Variants in ZC3H12B observed in about 807,000 individuals in gnomAD.
The protein encoded by ZC3H12B is probable ribonuclease ZC3H12B.
In ZC3H12B, 7 loss-of-function variants were observed where a neutral mutation model predicts 43.9. The ratio of observed to expected loss-of-function variants is 0.16; its 90% CI spans 0.09 to 0.30. The LOEUF is 0.30. Among genes scored for constraint, ZC3H12B ranks in the 10% least tolerant of loss-of-function variants. The pLI, the probability that ZC3H12B is intolerant of heterozygous loss-of-function variation, is 1.00. For synonymous variants in ZC3H12B, 222 were observed against 241.7 expected, an observed-to-expected ratio of 0.92 and a Z score of 0.76; for missense variants, 475 against 670.2, an observed-to-expected ratio of 0.71 and a Z score of 3.22.
the ZC3H12B span, chrX:65,187,111 G>GT: frequency 2.7e-5 from 3 of 111,872 alleles, no homozygotes; most frequent in African/African-American, 6.5e-5. Context: ...TCTCCCCACT[G>GT]TTTTTCAGTT....
intron 3 of ZC3H12B, among the ~76,000 whole-genome samples, chrX:65,457,211 G>A (rs1435206684): frequency 1.3e-4 from 7 of 54,639 alleles, no homozygotes; most frequent in South Asian, 1.4e-3. Context: ...CCTGGCAACC[G>A]CCCCGTCTGA....
chrX:65,334,431 A>G, the ZC3H12B span, among the ~76,000 whole-genome samples: 1 of 112,120 alleles, frequency 8.9e-6, no homozygotes, highest in African/African-American at 3.2e-5. Flanking sequence ...CCTTCTTATA[A>G]TCTTTTACCA....
the ZC3H12B span, chrX:65,185,628 C>A: frequency 9.0e-6 from 1 of 111,489 alleles, no homozygotes; most frequent in African/African-American, 3.3e-5. Flanking sequence ...TCCAAATATC[C>A]ATAAATACCT....
chrX:65,346,675 G>T, the ZC3H12B span, among the ~76,000 whole-genome samples: 1 of 112,308 alleles, frequency 8.9e-6, no homozygotes, highest in Non-Finnish European at 1.9e-5. Flanking sequence ...TATCAACAGA[G>T]TAAATAGACA....
chrX:65,094,278 T>C, the ZC3H12B span, among the ~76,000 whole-genome samples: 1 of 106,760 alleles, frequency 9.4e-6, no homozygotes, highest in Non-Finnish European at 1.9e-5. Flanking sequence ...TTTTTTTTAA[T>C]AAATTACCAA....
the ZC3H12B span, among the ~76,000 whole-genome samples, chrX:65,245,233 A>T: frequency 9.0e-6 from 1 of 111,699 alleles, no homozygotes; most frequent in Non-Finnish European, 1.9e-5. Flanking sequence ...AGAAGTTCTG[A>T]AATTGAGGCA....
At chrX:65,464,566 CAAACT>C (rs1239574376) in intron 3 of ZC3H12B, among the ~76,000 whole-genome samples, 1 of 110,447 alleles carries the variant, frequency 9.1e-6, no homozygotes, top group Non-Finnish European at 1.9e-5. Context: ...TCTTGTCAAA[CAAACT>C]ACTTTTTATT....
the ZC3H12B span, among the ~76,000 whole-genome samples, chrX:65,045,542 C>T: frequency 2.7e-5 from 3 of 111,816 alleles, no homozygotes; most frequent in Non-Finnish European, 5.6e-5. Context: ...TCAATTACAC[C>T]TTCTGTCTCC....
intron 3 of ZC3H12B, among the ~76,000 whole-genome samples, chrX:65,454,916 T>A (rs2067584623): frequency 9.0e-6 from 1 of 111,398 alleles, no homozygotes; most frequent in Non-Finnish European, 1.9e-5. Flanking sequence ...CAGCTGAGGG[T>A]CCTGACTGTT....
At chrX:65,211,617 G>A in the ZC3H12B span, among the ~76,000 whole-genome samples, 1 of 93,884 alleles carries the variant, frequency 1.1e-5, no homozygotes, top group African/African-American at 3.9e-5. Flanking sequence ...ACACAGATTG[G>A]CCTAACAACT....
chrX:65,269,344 A>G, the ZC3H12B span, among the ~76,000 whole-genome samples: 1 of 108,858 alleles, frequency 9.2e-6, no homozygotes, highest in Non-Finnish European at 1.9e-5. Context: ...ACTCTGTCTC[A>G]AAAACAAAAA....
the ZC3H12B span, among the ~76,000 whole-genome samples, chrX:65,361,554 T>C: frequency 1.8e-5 from 2 of 112,036 alleles, no homozygotes; most frequent in Non-Finnish European, 3.8e-5. Flanking sequence ...TTACTGTTCC[T>C]CTTAAAAACA....
chrX:65,218,429 C>G, the ZC3H12B span, among the ~76,000 whole-genome samples: 1 of 112,004 alleles, frequency 8.9e-6, no homozygotes, highest in Non-Finnish European at 1.9e-5. Flanking sequence ...AGTTCTCAGC[C>G]CTGCTCACTG....
chrX:65,138,690 T>G, the ZC3H12B span, among the ~76,000 whole-genome samples: 6 of 112,202 alleles, frequency 5.3e-5, no homozygotes, highest in Non-Finnish European at 1.1e-4. Flanking sequence ...GCTGCATTAA[T>G]TTGTTTCTCC....
the ZC3H12B span, among the ~76,000 whole-genome samples, chrX:65,122,436 A>G: frequency 9.0e-6 from 1 of 111,362 alleles, no homozygotes; most frequent in Admixed American, 9.6e-5. Context: ...AAACATGCCA[A>G]ATTGTAAAGA....
chrX:65,368,739 CT>C (rs2066207037), intron 1 of ZC3H12B, 89 bp from the exon 4 acceptor site: 1 of 112,061 alleles, frequency 8.9e-6, no homozygotes, highest in Non-Finnish European at 1.9e-5. Flanking sequence ...TAATACTGAA[CT>C]TTAAATGGGT....
the ZC3H12B span, among the ~76,000 whole-genome samples, chrX:65,147,558 G>A: frequency 9.0e-6 from 1 of 111,415 alleles, no homozygotes; most frequent in Non-Finnish European, 1.9e-5. Flanking sequence ...GGATTGACCT[G>A]GCCCCTAGGT....
At chrX:65,097,099 T>C in the ZC3H12B span, among the ~76,000 whole-genome samples, 1 of 112,071 alleles carries the variant, frequency 8.9e-6, no homozygotes, top group African/African-American at 3.2e-5. Context: ...AGTGGAGCCT[T>C]TACTGGTTTG....
the ZC3H12B span, among the ~76,000 whole-genome samples, chrX:65,212,122 TA>T: frequency 5.3e-5 from 3 of 56,169 alleles, no homozygotes; most frequent in African/African-American, 2.2e-4. Context: ...ATATATAGTA[TA>T]TAATATACTA....
Sources: gnomAD v4.1 joint callset for allele counts (sites outside exome capture counted in the v4.1 genomes callset) on GRCh38, gnomAD v4.1.1 for gene constraint, MANE v1.5 for transcripts, NCBI Gene and HGNC (gene_info 2026-07-23, HGNC 2026-07-21) for gene names.